GLUD1: variants seen among roughly 807,000 people sequenced by gnomAD.
GLUD1 encodes the protein glutamate dehydrogenase 1, also known as glutamate dehydrogenase 1, mitochondrial.
In GLUD1, 22 loss-of-function variants were observed where a neutral mutation model predicts 56.0. That is an observed-to-expected ratio of 0.39 (90% confidence interval 0.28 to 0.56). The LOEUF is 0.56. GLUD1 is among the 20% of genes least tolerant of loss of function. The probability of loss-of-function intolerance (pLI) is 0.58; values close to 1 mark genes in which losing one functional copy is unlikely to be tolerated. For synonymous variants in GLUD1, 223 were observed against 269.9 expected (o/e 0.83, Z 1.70); for missense variants, 451 against 732.0 (o/e 0.62, Z 4.43).
chr10:87,053,622 CA>C (rs1402896508), intron 11 of GLUD1, among the ~76,000 whole-genome samples: 6 of 152,208 alleles, frequency 3.9e-5, no homozygotes, highest in Admixed American at 3.3e-4. Context: ...TTATATTTGA[CA>C]GCAAACAAAT....
At position 87,089,776 on chromosome 10, in the gene GLUD1, T is replaced by C. The variant is rs965113714; in HGVS notation, c.445+4549A>G. ...TTGATAGTGAACACTTGAATCTGTA[T>C]TAATTTCTGCCTCTGGAAAGGGGAA... On this transcript the variant is annotated intron_variant, in intron 1 of 12. Transcript: ENST00000277865. 5.3e-6 allele frequency: 5 copies of C among 940,612 alleles called. No homozygotes were observed. In the African/African-American group the frequency reaches 7.1e-5, roughly 13 times the overall value. 58.3% of individuals were successfully genotyped at this position (940,612 alleles called of 1,614,324 possible). A position where few individuals can be genotyped will look rare whatever the true frequency, so the allele number is the denominator to read the frequency against.
intron 1 of GLUD1, among the ~76,000 whole-genome samples, chr10:87,086,562 G>A (rs1202614601): frequency 2.0e-5 from 3 of 151,922 alleles, no homozygotes; most frequent in Non-Finnish European, 4.4e-5. Flanking sequence ...GGTGGCTCAC[G>A]CCTGTAATCC....
intron 1 of GLUD1, chr10:87,093,859 ATC>A (rs2133870941): frequency 8.7e-7 from 1 of 1,153,376 alleles, no homozygotes; most frequent in South Asian, 1.3e-5. Context: ...TTCGGATATC[ATC>A]TGTCACTATT....
At chr10:87,083,506 G>C (rs1273028370) in intron 1 of GLUD1, among the ~76,000 whole-genome samples, 1 of 152,114 alleles carries the variant, frequency 6.6e-6, no homozygotes, top group African/African-American at 2.4e-5. Flanking sequence ...AAGCAAGAAG[G>C]ATCTTATGTG....
At chr10:87,089,961 T>G (rs1183208625) in intron 1 of GLUD1, among the ~76,000 whole-genome samples, 22 of 152,230 alleles carry the variant, frequency 1.4e-4, no homozygotes, top group Admixed American at 1.4e-3. Context: ...CATGTGTATT[T>G]TATGGGTTGC....
rs535742784 is a variant in GLUD1, at chr10:87,071,353, T to A, written c.647-3196A>T. 2.2e-4 allele frequency among the ~76,000 whole-genome samples: 34 copies of A among 151,190 alleles called. No homozygotes were observed. In the South Asian group the frequency reaches 5.2e-3, roughly 23 times the overall value. ...GATTACAGGTACCTGCCTGGCTAATTTTTTTTTATTTTTAGTAGAGACGGG... is the reference window on the plus strand; with the variant it reads ...GATTACAGGTACCTGCCTGGCTAATATTTTTTTATTTTTAGTAGAGACGGG... On this transcript the variant is annotated intron_variant, in intron 4 of 12. Coordinates refer to ENST00000277865, the MANE Select transcript of GLUD1 (RefSeq NM_005271.5).
At position 87,094,476 on chromosome 10, in the gene GLUD1, C is replaced by T; in HGVS notation, c.294G>A (p.Lys98=). The T allele has an allele frequency of 6.2e-7, 1 of 1,613,670 alleles. No individual in the cohort carries two copies. The highest frequency in any genetic ancestry group is 1.1e-5 in the South Asian group (1 of 91,062). The change falls in exon 1 of 13, where the codon AAG becomes AAA. Residue 98 remains lysine, a synonymous_variant. Transcript: ENST00000277865. The surrounding 1 kb of genome is among the most constrained non-coding windows in gnomAD (Gnocchi z 6.6). ...GCAGGATGCCGCGCACCCGGTTCCG[C>T]TTCTGCTCCTCGCTCTCCCGGGTCC... ...DLRTRESEEQ[K]RNRVRGILRI...
intron 8 of GLUD1, 173 bp downstream of exon 8, chr10:87,060,515 G>A (rs1028989214): frequency 2.7e-5 from 23 of 840,432 alleles, no homozygotes; most frequent in Non-Finnish European, 3.8e-5. Flanking sequence ...ACTCTGTGCC[G>A]GTAGCTAAAA....
At chr10:87,072,499 C>T (rs372086144) in intron 4 of GLUD1, among the ~76,000 whole-genome samples, 21 of 152,080 alleles carry the variant, frequency 1.4e-4, no homozygotes, top group African/African-American at 3.9e-4. Context: ...GAAGGTTTGC[C>T]GAGGAGTGAG....
intron 5 of GLUD1, among the ~76,000 whole-genome samples, chr10:87,067,009 T>G (rs1386753914): frequency 6.6e-6 from 1 of 152,214 alleles, no homozygotes; most frequent in African/African-American, 2.4e-5. Flanking sequence ...TGAGTCTCTC[T>G]GTCATGTGCC....
At chr10:87,084,102 G>A (rs1320484861) in intron 1 of GLUD1, among the ~76,000 whole-genome samples, 1 of 152,220 alleles carries the variant, frequency 6.6e-6, no homozygotes, top group Middle Eastern at 3.2e-3. Flanking sequence ...CTCACCAGAG[G>A]AAACTAAAGA....
intron 5 of GLUD1, among the ~76,000 whole-genome samples, chr10:87,065,209 C>A (rs1846042319): frequency 7.3e-6 from 1 of 136,976 alleles, no homozygotes; most frequent in African/African-American, 2.7e-5. Context: ...AGGAGAATTG[C>A]TTGAACCCGG....
chr10:87,074,487 C>CAA (rs375835858), intron 4 of GLUD1, 64 bp downstream of exon 4: 360 of 759,816 alleles, frequency 4.7e-4, no homozygotes, highest in Non-Finnish European at 6.0e-4. Flanking sequence ...GACTCCGTCT[C>CAA]AAAAAAAAAA....
chr10:87,055,355 G>T (rs898026564), intron 11 of GLUD1, among the ~76,000 whole-genome samples: 1 of 152,158 alleles, frequency 6.6e-6, no homozygotes, highest in Non-Finnish European at 1.5e-5. Context: ...ACATGGCAGG[G>T]TCATGATGTG....
chr10:87,063,693 C>T (rs1020266926), intron 5 of GLUD1, among the ~76,000 whole-genome samples: 1 of 149,878 alleles, frequency 6.7e-6, no homozygotes, highest in Non-Finnish European at 1.5e-5. Flanking sequence ...CTTAATATAA[C>T]ATGACATTCA....
intron 1 of GLUD1, among the ~76,000 whole-genome samples, chr10:87,081,094 C>T (rs1247309643): frequency 2.1e-5 from 3 of 145,204 alleles, no homozygotes; most frequent in Non-Finnish European, 3.0e-5. Context: ...GCCCGGCCAG[C>T]CGCCTCTTCC....
chr10:87,088,991 T>C (rs1841451717), intron 1 of GLUD1, among the ~76,000 whole-genome samples: 1 of 152,154 alleles, frequency 6.6e-6, no homozygotes, highest in African/African-American at 2.4e-5. Flanking sequence ...CGGAGTTGGG[T>C]GTAGGGGAAA....
In GLUD1 at chr10:87,094,266, C is replaced by T. The variant is rs1296632120; in HGVS notation, c.445+59G>A. The T allele has an allele frequency of 6.6e-6, 10 of 1,515,950 alleles. No individual in the cohort carries two copies. The Admixed American group carries it at 1.8e-4, about 27-fold the overall frequency. The allele number at this position is 1,515,950 out of a possible 1,614,324, so 93.9% of individuals were successfully genotyped here. A position where few individuals can be genotyped will look rare whatever the true frequency, so the allele number is the denominator to read the frequency against. ...CAGCGGCCCCGCACCGGCAGGAGGC[C>T]GGAGGGGAGGGCCGCAGGGGAGGCA... On this transcript the variant is annotated intron_variant, in intron 1 of 12. Transcript: ENST00000277865. The surrounding 1 kb of genome is among the most constrained non-coding windows in gnomAD (Gnocchi z 6.6).
rs2133792215 is a variant in GLUD1 at position 87,059,173 on chromosome 10, C to G, written c.1379G>C (p.Arg460Thr). The stretch of plus-strand genomic sequence containing the variant: ...ACTGAGCAAGTGGTAGTTAGAATCC[C>G]TTTCATATTTGAAGGTCAAACGGCC... ...SYGRLTFKYE[R>T]DSNYHLLMSV... is the part of the protein sequence containing the mutation. Residue 460 changes from arginine to threonine, a missense_variant, in exon 10 of 13, where the codon AGG (arginine) becomes ACG (threonine). Physicochemically the swap from Arg to Thr is moderately conservative, Grantham distance 71. This residue lies in a region of GLUD1 where 248 missense variants were observed against 460.0 expected (regional missense o/e 0.54). Transcript: ENST00000277865. 7 of 1,613,258 alleles carry G rather than the reference C, an allele frequency of 4.3e-6. No individual in the cohort carries two copies. The highest frequency in any genetic ancestry group is 5.9e-6 in the Non-Finnish European group (7 of 1,180,000).
Sources: gnomAD v4.1 joint callset for allele counts (sites outside exome capture counted in the v4.1 genomes callset) on GRCh38, gnomAD v4.1.1 for gene constraint, gnomAD v4.1.1 regional missense constraint, Gnocchi (gnomAD v3.1) non-coding constraint, MANE v1.5 for transcripts, NCBI Gene and HGNC (gene_info 2026-07-23, HGNC 2026-07-21) for gene names.